RALGPS2: variants seen among roughly 807,000 people sequenced by gnomAD.
The protein encoded by RALGPS2 is ras-specific guanine nucleotide-releasing factor RalGPS2.
RALGPS2 carries 43 observed loss-of-function variants against 86.8 expected under a neutral mutation model. The ratio of observed to expected loss-of-function variants is 0.50; its 90% confidence interval spans 0.39 to 0.64. The LOEUF (loss-of-function observed/expected upper bound fraction) is 0.64, where lower values mean the gene tolerates loss of function less well. RALGPS2 is among the 30% of genes least tolerant of loss of function. The probability of loss-of-function intolerance (pLI) is 0.00; values close to 1 mark genes in which losing one functional copy is unlikely to be tolerated. For synonymous variants in RALGPS2, 243 were observed against 231.3 expected (o/e 1.05, Z -0.46); for missense variants, 536 against 694.6 (o/e 0.77, Z 2.57).
rs1660385377 is a variant in RALGPS2, at chr1:178,906,330, G to A, written c.1631-446G>A. Among the ~76,000 whole-genome samples, 4 of 151,946 alleles carry A rather than the reference G, an allele frequency of 2.6e-5. No individual in the cohort carries two copies. In the South Asian group the frequency reaches 8.3e-4, roughly 32 times the overall value. On this transcript the variant is annotated intron_variant, in intron 18 of 19. Coordinates refer to ENST00000367635, the MANE Select transcript of RALGPS2 (RefSeq NM_152663.5). ...GCAGAGGTTGCAATGAGCTGAGATT[G>A]TGCCACTGCACTCCAGCCTGGGCGA...
intron 8 of RALGPS2, among the ~76,000 whole-genome samples, chr1:178,849,096 T>G (rs1030076570): frequency 6.6e-6 from 1 of 152,232 alleles, no homozygotes; most frequent in African/African-American, 2.4e-5. Context: ...TTAACTCATT[T>G]ATTTGATCGT....
rs374833823 is a variant in RALGPS2, at chr1:178,885,232, C to G, written c.1040+21C>G. On this transcript the variant is annotated intron_variant, in intron 12 of 19. Coordinates refer to ENST00000367635, the MANE Select transcript of RALGPS2 (RefSeq NM_152663.5). The stretch of plus-strand genomic sequence containing the variant: ...TATAAGTCAGCATTTTTAATTTTAT[C>G]TTTCAAATTTTTAAGTCTTTTGTAA... 48 of 1,595,406 alleles carry G rather than the reference C, an allele frequency of 3.0e-5. No homozygotes were observed. In the African/African-American group the frequency reaches 6.5e-4, roughly 22 times the overall value.
At chr1:178,801,661 C>G (rs1321983187) in intron 4 of RALGPS2, among the ~76,000 whole-genome samples, 4 of 152,098 alleles carry the variant, frequency 2.6e-5, no homozygotes, top group Admixed American at 2.0e-4. Context: ...TTGAGGAAAA[C>G]TGTTGGAAGG....
chr1:178,764,913 G>A (rs1652420588), intron 1 of RALGPS2, among the ~76,000 whole-genome samples: 1 of 152,112 alleles, frequency 6.6e-6, no homozygotes, highest in South Asian at 2.1e-4. Context: ...GCACCATCCT[G>A]CTAGTGCTGT....
In RALGPS2 at chr1:178,794,058, C is replaced by T. The variant is rs80045081; in HGVS notation, c.213+8451C>T. 8.1e-3 allele frequency among the ~76,000 whole-genome samples: 1,226 copies of T among 152,256 alleles called. 55 individuals are homozygous for T. Among genetic ancestry groups the T allele is most frequent in the Admixed American group, 0.068 (1,042 of 15,288 alleles). ...TATTTCTTATATACATAGTTCTCCT[C>T]AATATGATTTCTCTTTTGATCATGA... is the stretch of plus-strand genomic sequence containing the variant. On this transcript the variant is annotated intron_variant, in intron 4 of 19. Transcript: ENST00000367635.
chr1:178,745,329 TA>T (rs1214886268), intron 1 of RALGPS2, among the ~76,000 whole-genome samples: 1 of 152,168 alleles, frequency 6.6e-6, no homozygotes, highest in Non-Finnish European at 1.5e-5. Flanking sequence ...AACAGCTTTG[TA>T]AAAAGAAGAA....
chr1:178,796,159 A>T (rs568693850), intron 4 of RALGPS2, among the ~76,000 whole-genome samples: 143 of 152,306 alleles, frequency 9.4e-4, no homozygotes, highest in African/African-American at 3.3e-3. Flanking sequence ...GGTGTATATG[A>T]CATCAGAGAT....
At chr1:178,804,466 C>A (rs1654639470) in intron 4 of RALGPS2, among the ~76,000 whole-genome samples, 1 of 136,208 alleles carries the variant, frequency 7.3e-6, no homozygotes, top group African/African-American at 2.8e-5. Flanking sequence ...TGTGACGTTC[C>A]CCTTCCTGTG....
chr1:178,865,277 T>G (rs757341469), intron 8 of RALGPS2: 1 of 1,614,138 alleles, frequency 6.2e-7, no homozygotes, highest in Non-Finnish European at 8.5e-7. Flanking sequence ...TGTTGCCATC[T>G]TCAACATTTC....
At chr1:178,874,949 TATGAA>T (rs1265337281) in intron 8 of RALGPS2, among the ~76,000 whole-genome samples, 2 of 152,172 alleles carry the variant, frequency 1.3e-5, no homozygotes, top group Non-Finnish European at 2.9e-5. Context: ...CTCACACAAA[TATGAA>T]ATGAATATGT....
chr1:178,885,048 T>G (rs1242450510), intron 11 of RALGPS2, 28 bp from the exon 12 acceptor site: 2 of 1,545,072 alleles, frequency 1.3e-6, no homozygotes, highest in Non-Finnish European at 1.7e-6. Context: ...AGTAATCATT[T>G]GAAAATCTCT....
At chr1:178,754,436 T>C (rs1230751517) in intron 1 of RALGPS2, among the ~76,000 whole-genome samples, 2 of 152,166 alleles carry the variant, frequency 1.3e-5, no homozygotes, top group South Asian at 2.1e-4. Flanking sequence ...GTATAAGTTC[T>C]AGTCCAAAAG....
At chr1:178,778,925 C>T (rs565537119) in intron 2 of RALGPS2, among the ~76,000 whole-genome samples, 1 of 152,262 alleles carries the variant, frequency 6.6e-6, no homozygotes, top group South Asian at 2.1e-4. Context: ...TCCTTATCTA[C>T]TTAAGATACT....
chr1:178,872,507 GAC>G (rs1658813255), intron 8 of RALGPS2, among the ~76,000 whole-genome samples: 1 of 152,190 alleles, frequency 6.6e-6, no homozygotes. Context: ...AGGATTATGA[GAC>G]AGTGTTGCCA....
At chr1:178,778,040 A>T (rs1572321935) in intron 2 of RALGPS2, among the ~76,000 whole-genome samples, 1 of 140,048 alleles carries the variant, frequency 7.1e-6, no homozygotes, top group South Asian at 2.4e-4. Context: ...AAAATTGACA[A>T]ATGGGATCTA....
At chr1:178,833,279 A>C (rs143919877) in intron 7 of RALGPS2, 145 bp from the exon 8 acceptor site, 7 of 727,158 alleles carry the variant, frequency 9.6e-6, no homozygotes, top group African/African-American at 9.2e-5. Context: ...ATTTTGTCTT[A>C]TTTATATACT....
intron 7 of RALGPS2, among the ~76,000 whole-genome samples, chr1:178,832,791 T>A (rs763752274): frequency 3.4e-4 from 52 of 151,958 alleles, no homozygotes; most frequent in Non-Finnish European, 6.2e-4. Context: ...TTTTTTTTTT[T>A]TCAACTCCCC....
chr1:178,897,792 C>A (rs1660012526), intron 17 of RALGPS2, 36 bp downstream of exon 17: 1 of 1,555,826 alleles, frequency 6.4e-7, no homozygotes, highest in Admixed American at 1.7e-5. Context: ...AGCGTGGTTT[C>A]CCAGACTGTT....
chr1:178,891,202 T>G lies in RALGPS2; in HGVS notation c.1248-1028T>G, dbSNP rs1659698721. Among the ~76,000 whole-genome samples, 3 of 152,020 alleles carry G rather than the reference T, an allele frequency of 2.0e-5. No homozygotes were observed. The South Asian group carries it at 6.2e-4, about 31-fold the overall frequency. ...GTTTTGCTTTGCAGACATGTGTGGCTAAAAAAAGCTACTTTTCTTATGCCA... is the reference window on the plus strand; with the variant it reads ...GTTTTGCTTTGCAGACATGTGTGGCGAAAAAAAGCTACTTTTCTTATGCCA... On this transcript the variant is annotated intron_variant, in intron 14 of 19. Coordinates refer to ENST00000367635, the MANE Select transcript of RALGPS2 (RefSeq NM_152663.5).
Sources: gnomAD v4.1 joint callset for allele counts (sites outside exome capture counted in the v4.1 genomes callset) on GRCh38, gnomAD v4.1.1 for gene constraint, MANE v1.5 for transcripts, NCBI Gene and HGNC (gene_info 2026-07-23, HGNC 2026-07-21) for gene names.